MAGI2: variants seen among roughly 807,000 people sequenced by gnomAD.
MAGI2 encodes the protein membrane associated guanylate kinase, WW and PDZ domain containing 2.
Under a neutral mutation model 133.3 loss-of-function variants are expected in MAGI2, and 35 were observed. That is an observed-to-expected ratio of 0.26 (90% CI 0.20 to 0.35). The LOEUF (loss-of-function observed/expected upper bound fraction) is 0.35. MAGI2 is among the 10% of genes least tolerant of loss of function. The pLI is 1.00. For missense variants in MAGI2, 1,636 were observed against 1,863.4 expected, an observed-to-expected ratio of 0.88 and a Z score of 2.25; for synonymous variants, 729 against 710.6, an observed-to-expected ratio of 1.03 and a Z score of -0.41.
At chr7:78,232,876 T>C (rs181583131) in intron 10 of MAGI2, among the ~76,000 whole-genome samples, 298 of 152,294 alleles carry the variant, frequency 2.0e-3, no homozygotes, top group Admixed American at 5.3e-3. Context: ...AGCTCTGTGC[T>C]ACTAGGAGAA....
chr7:79,034,044 T>C (rs1810885438), intron 1 of MAGI2, among the ~76,000 whole-genome samples: 1 of 152,290 alleles, frequency 6.6e-6, no homozygotes, highest in Admixed American at 6.5e-5. Context: ...AAAGATGATA[T>C]ATTGAGACAC....
At chr7:78,219,453 C>A (rs1335936192) in intron 10 of MAGI2, among the ~76,000 whole-genome samples, 2 of 152,126 alleles carry the variant, frequency 1.3e-5, no homozygotes, top group Non-Finnish European at 2.9e-5. Flanking sequence ...CCATCTGCAC[C>A]CACTTTTCTC....
At chr7:78,040,315 C>T (rs1036937569) in intron 21 of MAGI2, among the ~76,000 whole-genome samples, 1 of 149,760 alleles carries the variant, frequency 6.7e-6, no homozygotes, top group Non-Finnish European at 1.5e-5. Context: ...TCTTCCCCAC[C>T]CTCTGTCCAA....
At chr7:78,788,397 G>A (rs1222571614) in intron 2 of MAGI2, among the ~76,000 whole-genome samples, 1 of 151,948 alleles carries the variant, frequency 6.6e-6, no homozygotes, top group Non-Finnish European at 1.5e-5. Flanking sequence ...TAGCTTTCAG[G>A]TTACTCCATC....
chr7:78,479,889 C>T (rs1792179895), intron 6 of MAGI2, among the ~76,000 whole-genome samples: 1 of 151,718 alleles, frequency 6.6e-6, no homozygotes, highest in Non-Finnish European at 1.5e-5. Flanking sequence ...CAAAAAATCT[C>T]AGTAAAGAAA....
At chr7:79,082,803 T>C (rs1816158072) in intron 1 of MAGI2, among the ~76,000 whole-genome samples, 1 of 151,808 alleles carries the variant, frequency 6.6e-6, no homozygotes, top group African/African-American at 2.4e-5. Context: ...GGTTGGGGGG[T>C]ATTGCCTCTT....
At chr7:79,378,958 ATATATATATATATT>A (rs1382043484) in intron 1 of MAGI2, among the ~76,000 whole-genome samples, 10 of 86,452 alleles carry the variant, frequency 1.2e-4, no homozygotes, top group African/African-American at 2.9e-4. Context: ...ATATATATAT[ATATATATATATATT>A]AAACTTTAAG....
At chr7:79,053,677 A>G (rs1451184823) in intron 1 of MAGI2, among the ~76,000 whole-genome samples, 2 of 152,222 alleles carry the variant, frequency 1.3e-5, no homozygotes, top group Admixed American at 1.3e-4. Flanking sequence ...AAAATTTGAT[A>G]TATGGCAAAA....
intron 2 of MAGI2, among the ~76,000 whole-genome samples, chr7:78,797,870 C>T (rs112176399): frequency 0.017 from 2,555 of 151,802 alleles, 27 homozygotes; most frequent in Non-Finnish European, 0.024. Flanking sequence ...TGCCCAAGAG[C>T]AGTTCAAATA....
chr7:78,230,000 A>G (rs1258722442), intron 10 of MAGI2, among the ~76,000 whole-genome samples: 3 of 152,242 alleles, frequency 2.0e-5, no homozygotes, highest in African/African-American at 4.8e-5. Flanking sequence ...AACAGTGCCT[A>G]CGTTAACTGT....
chr7:78,924,211 G>A (rs1414700465), intron 2 of MAGI2, among the ~76,000 whole-genome samples: 2 of 152,012 alleles, frequency 1.3e-5, no homozygotes, highest in African/African-American at 4.8e-5. Context: ...GATTGCCCTG[G>A]CCAGAACTTC....
At chr7:79,181,491 A>T (rs762371435) in intron 1 of MAGI2, among the ~76,000 whole-genome samples, 4 of 151,896 alleles carry the variant, frequency 2.6e-5, no homozygotes, top group Non-Finnish European at 5.9e-5. Context: ...TCAAGTCCCT[A>T]GACTGTACAC....
intron 20 of MAGI2, among the ~76,000 whole-genome samples, chr7:78,096,827 T>C (rs1237053813): frequency 3.3e-5 from 5 of 152,132 alleles, no homozygotes; most frequent in African/African-American, 7.2e-5. Flanking sequence ...ACAAATGGGA[T>C]CTAATTAAAC....
At chr7:79,068,913 T>C (rs1814658907) in intron 1 of MAGI2, among the ~76,000 whole-genome samples, 1 of 152,198 alleles carries the variant, frequency 6.6e-6, no homozygotes, top group Non-Finnish European at 1.5e-5. Context: ...GTGAGTTTCT[T>C]AATCCTGAGT....
chr7:79,405,583 G>A (rs1845751347), intron 1 of MAGI2, among the ~76,000 whole-genome samples: 1 of 152,008 alleles, frequency 6.6e-6, no homozygotes, highest in Non-Finnish European at 1.5e-5. Context: ...TTTCCTCCAT[G>A]CCCCAAGAGT....
At chr7:79,321,986 A>C (rs1839219354) in intron 1 of MAGI2, among the ~76,000 whole-genome samples, 2 of 152,212 alleles carry the variant, frequency 1.3e-5, no homozygotes, top group South Asian at 4.1e-4. Flanking sequence ...TGAGATTATG[A>C]ATTTTCAAAA....
In MAGI2 at chr7:78,057,977, GTATATATATATA is replaced by G. The variant is rs58788674; in HGVS notation, c.3706+20958_3706+20969del. ...CCCCTCTGGCATTTTATATATATGTGTATATATATATATATATATATATATATGTATGAGAAA... is the reference window on the plus strand; with the variant it reads ...CCCCTCTGGCATTTTATATATATGTGTATATATATATATATGTATGAGAAA... On this transcript the variant is annotated intron_variant, in intron 21 of 21. Coordinates refer to ENST00000354212, the MANE Select transcript of MAGI2 (RefSeq NM_012301.4). Among the ~76,000 whole-genome samples, 13 of 106,610 alleles carry G rather than the reference GTATATATATATA, an allele frequency of 1.2e-4. 2 individuals are homozygous for G. The highest frequency in any genetic ancestry group is 1.8e-4 in the Admixed American group (2 of 11,056). The allele number at this position is 106,610 out of a possible 152,430, so 69.9% of individuals were successfully genotyped here.
At chr7:79,283,025 T>A (rs1835766810) in intron 1 of MAGI2, among the ~76,000 whole-genome samples, 2 of 152,162 alleles carry the variant, frequency 1.3e-5, no homozygotes, top group African/African-American at 2.4e-5. Flanking sequence ...GAACATGTTC[T>A]ATTTTCTGTA....
intron 1 of MAGI2, among the ~76,000 whole-genome samples, chr7:79,445,824 C>A (rs1848813071): frequency 1.3e-5 from 2 of 152,020 alleles, no homozygotes; most frequent in Admixed American, 6.6e-5. Context: ...GGGTATATAC[C>A]CAAAGGATTA....
Sources: allele counts gnomAD v4.1 joint callset (sites outside exome capture counted in the v4.1 genomes callset), GRCh38; gene constraint gnomAD v4.1.1; transcripts MANE v1.5; gene names NCBI Gene and HGNC (gene_info 2026-07-23, HGNC 2026-07-21).